GLMN: variants seen among roughly 807,000 people sequenced by gnomAD.
GLMN encodes glomulin.
In GLMN, 75 loss-of-function variants were observed where a neutral mutation model predicts 87.8. The ratio of observed to expected loss-of-function variants is 0.85; its 90% CI spans 0.71 to 1.04. GLMN has a LOEUF of 1.04. Ranked by LOEUF, GLMN falls within the 50% of genes least tolerant of loss-of-function variation. The pLI, the probability that GLMN is intolerant of heterozygous loss-of-function variation, is 0.00. For synonymous variants in GLMN, 206 were observed against 221.6 expected, an observed-to-expected ratio of 0.93 and a Z score of 0.63; for missense variants, 588 against 658.8, an observed-to-expected ratio of 0.89 and a Z score of 1.18.
At chr1:92,259,829 G>A (rs915049770) in intron 16 of GLMN, among the ~76,000 whole-genome samples, 5 of 149,022 alleles carry the variant, frequency 3.4e-5, no homozygotes, top group African/African-American at 4.9e-5. Flanking sequence ...CCGCCTCCCG[G>A]TTCACGCCAT....
chr1:92,295,073 A>G (rs970052378), intron 3 of GLMN, among the ~76,000 whole-genome samples: 5 of 152,260 alleles, frequency 3.3e-5, no homozygotes, highest in African/African-American at 1.2e-4. Flanking sequence ...ATTAAGACTA[A>G]GCCTCACATG....
chr1:92,342,974 T>G, the GLMN span, among the ~76,000 whole-genome samples: 1 of 152,284 alleles, frequency 6.6e-6, no homozygotes, highest in Non-Finnish European at 1.5e-5. Flanking sequence ...AAATCTAGAA[T>G]TCAAGGAGGA....
chr1:92,247,959 C>CA lies in GLMN; in HGVS notation c.1503dup (p.Glu502Ter). On this transcript the variant is annotated frameshift_variant, in exon 17 of 19. Transcript: ENST00000370360. LOFTEE classifies it high-confidence loss of function. The stretch of plus-strand genomic sequence containing the variant: ...TGAAGTGGCTTTAAGAAATTATTCT[C>CA]AATATTTCCAAGTTCTGTCCATAAT... 7.4e-7 allele frequency: 1 copy of CA among 1,343,300 alleles called. No homozygotes were observed. Among genetic ancestry groups the CA allele is most frequent in the Non-Finnish European group, 1.1e-6 (1 of 934,768 alleles). The allele number at this position is 1,343,300 out of a possible 1,614,324, so 83.2% of individuals were successfully genotyped here.
At chr1:92,247,783 C>T (rs1031599290) in intron 17 of GLMN, 95 bp downstream of exon 17, 2 of 707,708 alleles carry the variant, frequency 2.8e-6, no homozygotes, top group East Asian at 5.1e-5. Context: ...CTCTAAAGTA[C>T]AAGATTTTTA....
At chr1:92,314,127 T>G in the GLMN span, among the ~76,000 whole-genome samples, 2 of 152,242 alleles carry the variant, frequency 1.3e-5, no homozygotes, top group Non-Finnish European at 2.9e-5. Context: ...TTAAATTTCC[T>G]TTAAGAACTT....
chr1:92,321,064 C>A, the GLMN span, among the ~76,000 whole-genome samples: 1 of 152,204 alleles, frequency 6.6e-6, no homozygotes, highest in East Asian at 1.9e-4. Flanking sequence ...TTGTGATTTT[C>A]TTTCTAAACT....
rs189415654 is a variant in GLMN at position 92,260,569 on chromosome 1, C to T, written c.1473+2294G>A. Among the ~76,000 whole-genome samples the T allele has an allele frequency of 4.9e-4, 74 of 151,534 alleles. 1 individual carries two copies. The highest frequency in any genetic ancestry group is 6.8e-4 in the African/African-American group (28 of 41,294). On this transcript the variant is annotated intron_variant, in intron 16 of 18. Transcript: ENST00000370360. ...GGTGGACGATGCAGTGAGCAGAGAT[C>T]GTGCCACTGCACTCCAGCCTGGGCG...
At chr1:92,310,906 A>T in the GLMN span, among the ~76,000 whole-genome samples, 2 of 152,212 alleles carry the variant, frequency 1.3e-5, no homozygotes, top group African/African-American at 4.8e-5. Context: ...AAATTGTTAA[A>T]TCCACCCAAA....
intron 7 of GLMN, among the ~76,000 whole-genome samples, chr1:92,279,712 C>A (rs1016564173): frequency 6.6e-6 from 1 of 152,176 alleles, no homozygotes; most frequent in Non-Finnish European, 1.5e-5. Context: ...CAAGGGAAGC[C>A]GTGACAGACT....
intron 9 of GLMN, among the ~76,000 whole-genome samples, chr1:92,268,940 A>G (rs1286123658): frequency 1.4e-5 from 2 of 143,570 alleles, no homozygotes; most frequent in Non-Finnish European, 3.0e-5. Context: ...TTCTTTTGCG[A>G]CAGGGTCTTA....
At chr1:92,364,378 A>G in the GLMN span, among the ~76,000 whole-genome samples, 1 of 152,168 alleles carries the variant, frequency 6.6e-6, no homozygotes, top group Admixed American at 6.5e-5. Context: ...AGACAAATAT[A>G]AGGAAGAAAA....
the GLMN span, among the ~76,000 whole-genome samples, chr1:92,339,675 T>C: frequency 6.6e-6 from 1 of 151,858 alleles, no homozygotes; most frequent in Non-Finnish European, 1.5e-5. Context: ...CGCCATAGAA[T>C]TGATAAGTAG....
intron 3 of GLMN, among the ~76,000 whole-genome samples, chr1:92,295,651 A>G (rs764768787): frequency 1.3e-4 from 20 of 152,202 alleles, no homozygotes; most frequent in Non-Finnish European, 2.5e-4. Flanking sequence ...GCCATACAGC[A>G]CTAACCAGAG....
At chr1:92,314,767 G>A in the GLMN span, among the ~76,000 whole-genome samples, 2 of 145,760 alleles carry the variant, frequency 1.4e-5, no homozygotes, top group Admixed American at 1.4e-4. Flanking sequence ...AAAAAAGGCT[G>A]GGTGTGGTGG....
the GLMN span, chr1:92,333,281 T>C: frequency 1.3e-6 from 1 of 775,194 alleles, no homozygotes; most frequent in South Asian, 1.7e-5. Flanking sequence ...GTTATTTTCC[T>C]ACTGTGCCAC....
chr1:92,345,738 A>G, the GLMN span: 2 of 665,056 alleles, frequency 3.0e-6, no homozygotes, highest in Non-Finnish European at 5.1e-6. Flanking sequence ...AGTATTTTAA[A>G]AAAAAGTGCT....
the GLMN span, among the ~76,000 whole-genome samples, chr1:92,337,329 A>G: frequency 6.6e-6 from 1 of 152,156 alleles, no homozygotes; most frequent in Non-Finnish European, 1.5e-5. Flanking sequence ...CATACTGTAC[A>G]TTAGTAACAC....
At chr1:92,285,934 C>A (rs768089726) in intron 7 of GLMN, among the ~76,000 whole-genome samples, 1 of 151,986 alleles carries the variant, frequency 6.6e-6, no homozygotes. Context: ...AAATATGGAG[C>A]TATTTTGAAA....
At chr1:92,299,151 G>T, upstream of GLMN, 1 of 1,503,270 alleles carries the variant, frequency 6.7e-7, no homozygotes, top group Non-Finnish European at 8.9e-7. Flanking sequence ...CCGCAGGTAG[G>T]AGCAAGGATC....
Sources: allele counts gnomAD v4.1 joint callset (sites outside exome capture counted in the v4.1 genomes callset), GRCh38; gene constraint gnomAD v4.1.1; transcripts MANE v1.5; gene names NCBI Gene and HGNC (gene_info 2026-07-23, HGNC 2026-07-21).